GANAB: variants seen among roughly 807,000 people sequenced by gnomAD.
The protein encoded by GANAB is glucosidase II alpha subunit.
GANAB carries 35 observed loss-of-function variants against 129.9 expected under a neutral mutation model. The observed-to-expected ratio is 0.27, with a 90% confidence interval of 0.21 to 0.36. GANAB has a LOEUF of 0.36. Ranked by LOEUF, GANAB falls within the 10% of genes least tolerant of loss-of-function variation. The pLI, the probability that GANAB is intolerant of heterozygous loss-of-function variation, is 1.00. For synonymous variants in GANAB, 482 were observed against 451.8 expected (o/e 1.07, Z -0.85); for missense variants, 939 against 1,221.0 (o/e 0.77, Z 3.44).
intron 4 of GANAB, among the ~76,000 whole-genome samples, chr11:62,638,551 C>A (rs1944052867): frequency 6.6e-6 from 1 of 150,924 alleles, no homozygotes; most frequent in East Asian, 1.9e-4. Context: ...CTGAGTAATC[C>A]TATTCTGAAT....
chr11:62,630,100 G>A, intron 13 of GANAB, 97 bp downstream of exon 13: 1 of 1,291,626 alleles, frequency 7.7e-7, no homozygotes, highest in South Asian at 1.2e-5. Context: ...CTGATATGTT[G>A]CAGGCAATCA....
intron 1 of GANAB, among the ~76,000 whole-genome samples, chr11:62,644,240 G>T (rs961414395): frequency 6.6e-6 from 1 of 152,052 alleles, no homozygotes; most frequent in Non-Finnish European, 1.5e-5. Context: ...CATCGTGCCC[G>T]GCTGACACCA....
rs531468188 is a variant in GANAB, at chr11:62,628,509, G to A, written c.2180+260C>T. ...ATTACAGGTGTGAGCCACTGTGCCC[G>A]GCCTCAAAAAGGGATTTTATGACCA... On this transcript the variant is annotated intron_variant, in intron 17 of 23. Transcript: ENST00000356638. Among the ~76,000 whole-genome samples, 11 of 151,984 alleles carry A rather than the reference G, an allele frequency of 7.2e-5. 1 individual carries two copies. The South Asian group carries it at 1.9e-3, about 26-fold the overall frequency.
intron 1 of GANAB, 55 bp from the exon 2 acceptor site, chr11:62,639,786 C>A: frequency 9.1e-7 from 1 of 1,102,418 alleles, no homozygotes; most frequent in Non-Finnish European, 1.4e-6. Context: ...GAAGGGGCCC[C>A]CTTCAAAAGG....
intron 1 of GANAB, among the ~76,000 whole-genome samples, chr11:62,645,414 T>C (rs1395780793): frequency 2.6e-5 from 4 of 151,914 alleles, no homozygotes; most frequent in African/African-American, 9.7e-5. Flanking sequence ...CGGGTGCCTG[T>C]AGTCCCAGCT....
chr11:62,643,264 G>C (rs1448219350), intron 1 of GANAB, among the ~76,000 whole-genome samples: 2 of 152,202 alleles, frequency 1.3e-5, no homozygotes, highest in Non-Finnish European at 2.9e-5. Flanking sequence ...TTGGCACTTT[G>C]GGAGGCCCAG....
intron 4 of GANAB, among the ~76,000 whole-genome samples, chr11:62,635,671 G>A (rs987117577): frequency 1.3e-5 from 2 of 151,098 alleles, no homozygotes; most frequent in African/African-American, 4.9e-5. Flanking sequence ...TGTTGCCCAG[G>A]CTGGAGCACA....
At position 62,625,296 on chromosome 11, in the gene GANAB, G is replaced by A. The variant is rs1565085222; in HGVS notation, c.*519C>T. The A allele has an allele frequency of 2.2e-6, 1 of 456,304 alleles. No homozygotes were observed. Among genetic ancestry groups the A allele is most frequent in the African/African-American group, 2.0e-5 (1 of 50,066 alleles). The allele number at this position is 456,304 out of a possible 1,614,324, so 28.3% of individuals were successfully genotyped here. On this transcript the variant is annotated 3_prime_UTR_variant, in exon 24 of 24. Coordinates refer to ENST00000356638, the MANE Select transcript of GANAB (RefSeq NM_198334.3). ...CTTTGATCCATTCATCCTGTCCGGG[G>A]TAAGGGGTGGTCCCAGTGTATCGGT...
At chr11:62,632,534 CCCT>C (rs1346768427) in intron 9 of GANAB, 28 bp downstream of exon 9, 2 of 1,575,468 alleles carry the variant, frequency 1.3e-6, no homozygotes, top group South Asian at 1.1e-5. Context: ...AAGCTTCACT[CCCT>C]CCTTTTTCCC....
At chr11:62,637,425 T>C (rs1943993751) in intron 4 of GANAB, among the ~76,000 whole-genome samples, 1 of 151,742 alleles carries the variant, frequency 6.6e-6, no homozygotes, top group Non-Finnish European at 1.5e-5. Context: ...TTCTTATAAA[T>C]CACTGGTGGA....
Position 62,634,945 on chromosome 11 carries a change from G to A in GANAB, c.436C>T (p.Pro146Ser). Residue 146 changes from proline to serine, a missense_variant, in exon 5 of 24, where the codon CCC becomes TCC. By Grantham distance (74) the Pro-to-Ser change is moderately conservative. This residue lies in a region of GANAB where 321 missense variants were observed against 329.1 expected (regional missense o/e 0.98). Coordinates refer to ENST00000356638, the MANE Select transcript of GANAB (RefSeq NM_198334.3). ...CGTGCTGTCAAGATGATCTTGTAGG[G>A]TCCCTCAGCCATGGTTAACTCCACA... The part of the protein sequence containing the change: ...NSVELTMAEG[P>S]YKIILTARPF... The A allele has an allele frequency of 6.2e-7, 1 of 1,613,564 alleles. No homozygotes were observed. Among genetic ancestry groups the A allele is most frequent in the Non-Finnish European group, 8.5e-7 (1 of 1,179,484 alleles).
intron 9 of GANAB, among the ~76,000 whole-genome samples, chr11:62,631,482 T>TA (rs1400545065): frequency 2.0e-5 from 3 of 151,364 alleles, no homozygotes; most frequent in Admixed American, 6.6e-5. Flanking sequence ...TTTTTTTTTT[T>TA]AGACAGAGTC....
chr11:62,626,897 C>A lies in GANAB; in HGVS notation c.2360G>T (p.Gly787Val), dbSNP rs1943408630. ...TACAGGCAGGTACAGGGTCTGGGGACCATGATGCTTCTGGTAGCTTTGAAT... is the reference window on the plus strand; with the variant it reads ...TACAGGCAGGTACAGGGTCTGGGGAACATGATGCTTCTGGTAGCTTTGAAT... ...YDIQSYQKHH[G>V]PQTLYLPVTL... is the part of the protein sequence containing the mutation. Residue 787 changes from glycine to valine, a missense_variant, in exon 20 of 24, where the codon GGT becomes GTT. Gly to Val is a moderately radical substitution (Grantham distance 109, BLOSUM62 -3). Around this residue, in one of 5 missense-constraint regions of GANAB, gnomAD observed 230 missense variants for 259.9 expected, o/e 0.89. Transcript: ENST00000356638. The A allele has an allele frequency of 6.2e-7, 1 of 1,612,820 alleles. No individual in the cohort carries two copies. The highest frequency in any genetic ancestry group is 1.7e-5 in the Admixed American group (1 of 59,950).
At chr11:62,627,397 G>T in intron 17 of GANAB, 44 bp from the exon 18 acceptor site, 2 of 1,121,202 alleles carry the variant, frequency 1.8e-6, no homozygotes, top group Non-Finnish European at 2.7e-6. Flanking sequence ...TTCAATTTTG[G>T]CACAAGTCAG....
At chr11:62,642,155 G>A (rs1209083191) in intron 1 of GANAB, among the ~76,000 whole-genome samples, 1 of 152,080 alleles carries the variant, frequency 6.6e-6, no homozygotes, top group African/African-American at 2.4e-5. Context: ...AGGTTACACT[G>A]AGCAGATCAT....
At chr11:62,629,046 A>C in intron 16 of GANAB, 34 bp from the exon 17 acceptor site, 1 of 1,608,300 alleles carries the variant, frequency 6.2e-7, no homozygotes, top group African/African-American at 1.3e-5. Flanking sequence ...AGGTTGGAAA[A>C]GAGGGTGAAG....
At chr11:62,631,720 C>A (rs1264770496) in intron 9 of GANAB, among the ~76,000 whole-genome samples, 1 of 152,092 alleles carries the variant, frequency 6.6e-6, no homozygotes, top group Non-Finnish European at 1.5e-5. Context: ...CTCGCCCTCC[C>A]AAAGTGCTGG....
intron 1 of GANAB, among the ~76,000 whole-genome samples, chr11:62,643,293 C>A: frequency 6.6e-6 from 1 of 152,132 alleles, no homozygotes; most frequent in East Asian, 1.9e-4. Flanking sequence ...ATCACGAGAT[C>A]AGGAGTTAGA....
Position 62,625,143 on chromosome 11 carries a change from A to G in GANAB, c.*672T>C. On this transcript the variant is annotated 3_prime_UTR_variant, in exon 24 of 24. Transcript: ENST00000356638. ...TGCGCATCCCCTAAGAGGTGTGGAA[A>G]CGTCTTTCTGCCGAGGGACAGAGGA... 2.2e-6 allele frequency: 1 copy of G among 449,798 alleles called. No homozygotes were observed. The highest frequency in any genetic ancestry group is 4.5e-6 in the Non-Finnish European group (1 of 224,374). 27.9% of individuals were successfully genotyped at this position (449,798 alleles called of 1,614,324 possible).
Sources: allele counts gnomAD v4.1 joint callset (sites outside exome capture counted in the v4.1 genomes callset), GRCh38; gene constraint gnomAD v4.1.1; regional missense constraint gnomAD v4.1.1; transcripts MANE v1.5; gene names NCBI Gene and HGNC (gene_info 2026-07-23, HGNC 2026-07-21).